ITGB1: variants seen among roughly 807,000 people sequenced by gnomAD.
ITGB1 encodes the protein integrin subunit beta 1.
ITGB1 carries 24 observed loss-of-function variants against 86.5 expected under a neutral mutation model. The ratio of observed to expected loss-of-function variants is 0.28; its 90% CI spans 0.20 to 0.39. The LOEUF (loss-of-function observed/expected upper bound fraction) is 0.39. ITGB1 is among the 10% of genes least tolerant of loss of function. ITGB1 has a pLI of 1.00. For missense variants in ITGB1, 556 were observed against 946.9 expected, an observed-to-expected ratio of 0.59 and a Z score of 5.42; for synonymous variants, 323 against 316.8, an observed-to-expected ratio of 1.02 and a Z score of -0.21.
chr10:32,938,372 T>A (rs924097025), intron 1 of ITGB1, among the ~76,000 whole-genome samples: 1 of 152,198 alleles, frequency 6.6e-6, no homozygotes, highest in Non-Finnish European at 1.5e-5. Context: ...GACAGATACA[T>A]GTTTCTTCAG....
In ITGB1 at chr10:32,900,327, T is replaced by C. The variant is rs571455510; in HGVS notation, c.*1243A>G. ...ACCCACCAACCAGAAATGCTTTTCC[T>C]CAACTTCTTTAATCTATAAAAATTT... On this transcript the variant is annotated 3_prime_UTR_variant, in exon 16 of 16. Coordinates refer to ENST00000302278, the MANE Select transcript of ITGB1 (RefSeq NM_002211.4). The C allele has an allele frequency of 3.3e-5, 5 of 152,640 alleles. No individual in the cohort carries two copies. The South Asian group carries it at 1.0e-3, about 32-fold the overall frequency. 9.5% of individuals were successfully genotyped at this position (152,640 alleles called of 1,614,324 possible).
chr10:32,952,630 A>G (rs949767659), intron 1 of ITGB1, among the ~76,000 whole-genome samples: 7 of 152,224 alleles, frequency 4.6e-5, no homozygotes, highest in Non-Finnish European at 7.3e-5. Context: ...TTTATACAGA[A>G]AAATGTGACT....
At chr10:32,935,912 A>G (rs1157092407) in intron 1 of ITGB1, 1 of 169,584 alleles carries the variant, frequency 5.9e-6, no homozygotes, top group Admixed American at 6.0e-5. Flanking sequence ...CTCAGCCCAT[A>G]GAATCTCTAT....
chr10:32,907,092 A>C, intron 15 of ITGB1: 1 of 1,360,250 alleles, frequency 7.4e-7, no homozygotes, highest in Non-Finnish European at 9.8e-7. Context: ...TTACGTCCGT[A>C]GTTTGGATTC....
chr10:32,927,448 T>C (rs543042405), intron 5 of ITGB1, among the ~76,000 whole-genome samples: 53 of 152,278 alleles, frequency 3.5e-4, no homozygotes, highest in African/African-American at 1.3e-3. Flanking sequence ...GGTGCAGACA[T>C]ACTAATTAGC....
chr10:32,944,461 C>T (rs184046768), intron 1 of ITGB1: 163 of 353,120 alleles, frequency 4.6e-4, no homozygotes, highest in Non-Finnish European at 7.1e-4. Flanking sequence ...CACTAGTTGT[C>T]GCGCGTCACC....
Position 32,901,592 on chromosome 10 carries a change from T to C in ITGB1, c.2375A>G (p.Asn792Ser). The change falls in exon 16 of 16, where the codon AAT (asparagine) becomes AGT (serine). Residue 792 changes from asparagine (N) to serine (S), a missense_variant. Transcript: ENST00000302278. ...IYKSAVTTVV[N>S]PKYEGK The stretch of plus-strand genomic sequence containing the variant: ...TACTCATTTTCCCTCATACTTCGGA[T>C]TGACCACAGTTGTTACGGCACTCTT... 1 of 1,604,194 alleles carries C rather than the reference T, an allele frequency of 6.2e-7. No individual in the cohort carries two copies. The highest frequency in any genetic ancestry group is 8.5e-7 in the Non-Finnish European group (1 of 1,173,606).
chr10:32,921,206 A>G (rs1433657902), intron 9 of ITGB1, among the ~76,000 whole-genome samples: 1 of 151,916 alleles, frequency 6.6e-6, no homozygotes, highest in East Asian at 1.9e-4. Context: ...GAAGGATTCA[A>G]GCCAGGGCTT....
At chr10:32,905,472 T>C (rs1022466313) in intron 15 of ITGB1, among the ~76,000 whole-genome samples, 5 of 152,182 alleles carry the variant, frequency 3.3e-5, no homozygotes, top group Non-Finnish European at 5.9e-5. Flanking sequence ...TAACAACAAA[T>C]TGTAAAAGGG....
At chr10:32,944,765 C>T (rs550392647) in intron 1 of ITGB1, 87 of 723,292 alleles carry the variant, frequency 1.2e-4, no homozygotes, top group Middle Eastern at 4.0e-4. Context: ...CCTTACTGCT[C>T]GCTAGATTCA....
intron 11 of ITGB1, among the ~76,000 whole-genome samples, chr10:32,912,657 C>CA (rs1398038821): frequency 2.7e-4 from 41 of 151,666 alleles, no homozygotes; most frequent in African/African-American, 9.7e-4. Context: ...GTAAACAAAG[C>CA]AAAAAAAAGC....
At position 32,919,940 on chromosome 10, in the gene ITGB1, G is replaced by A; in HGVS notation, c.1414C>T (p.Pro472Ser). The A allele has an allele frequency of 1.2e-6, 2 of 1,614,090 alleles. No homozygotes were observed. The highest frequency in any genetic ancestry group is 1.3e-5 in the African/African-American group (1 of 75,022). ...CCTTCATGACACTTGGGACTTTCAG[G>A]GATGCCTTCGCTTTGGCATTCACAT... is the stretch of plus-strand genomic sequence containing the variant. ...CECECQSEGI[P>S]ESPKCHEGNG... Residue 472 changes from proline (P) to serine (S), a missense_variant, in exon 11 of 16, where the codon CCT becomes TCT. Pro to Ser is a moderately conservative substitution (Grantham distance 74). Transcript: ENST00000302278.
intron 15 of ITGB1, chr10:32,906,561 G>A (rs929375198): frequency 2.7e-5 from 5 of 185,850 alleles, no homozygotes; most frequent in Admixed American, 1.9e-4. Context: ...CTGCACTCCA[G>A]GCTGGGCGAC....
chr10:32,921,163 C>A (rs1289511908), intron 9 of ITGB1, among the ~76,000 whole-genome samples: 257 of 121,616 alleles, frequency 2.1e-3, no homozygotes, highest in Middle Eastern at 4.4e-3. Flanking sequence ...GTAGCCCAGC[C>A]AAAAAAAAAA....
chr10:32,921,044 T>A (rs563329585), intron 9 of ITGB1, among the ~76,000 whole-genome samples: 1 of 151,150 alleles, frequency 6.6e-6, no homozygotes, highest in Non-Finnish European at 1.5e-5. Flanking sequence ...AATGCTGTCT[T>A]CCCCATCGGC....
At chr10:32,908,648 T>C in intron 14 of ITGB1, 114 bp from the exon 15 acceptor site, 1 of 802,006 alleles carries the variant, frequency 1.2e-6, no homozygotes, top group South Asian at 1.9e-5. Context: ...AAAGAATCTA[T>C]AAAATAGCTC....
chr10:32,918,692 T>C (rs757600368), intron 11 of ITGB1, among the ~76,000 whole-genome samples: 1 of 152,200 alleles, frequency 6.6e-6, no homozygotes, highest in Non-Finnish European at 1.5e-5. Flanking sequence ...ATAAACTTAA[T>C]TTTAAAGAGC....
At chr10:32,910,502 G>C (rs975469189) in intron 13 of ITGB1, 47 bp from the exon 14 acceptor site, 2 of 1,298,104 alleles carry the variant, frequency 1.5e-6, no homozygotes, top group African/African-American at 1.5e-5. Context: ...TATTATTTCA[G>C]TAAATATTTG....
At chr10:32,946,233 T>C (rs1004570598) in intron 1 of ITGB1, among the ~76,000 whole-genome samples, 14 of 152,354 alleles carry the variant, frequency 9.2e-5, no homozygotes, top group Non-Finnish European at 1.2e-4. Context: ...AAAGTAAGCA[T>C]ACTTTGTCAT....
Sources: gnomAD v4.1 joint callset for allele counts (sites outside exome capture counted in the v4.1 genomes callset) on GRCh38, gnomAD v4.1.1 for gene constraint, MANE v1.5 for transcripts, NCBI Gene and HGNC (gene_info 2026-07-23, HGNC 2026-07-21) for gene names.